Variants in ASTN2 observed in about 807,000 individuals in gnomAD.
The protein encoded by ASTN2 is astrotactin-2.
ASTN2 carries 54 observed loss-of-function variants against 139.8 expected under a neutral mutation model. The ratio of observed to expected loss-of-function variants is 0.39; its 90% confidence interval spans 0.31 to 0.48. ASTN2 has a LOEUF of 0.48. ASTN2 is among the 20% of genes least tolerant of loss of function. The probability of loss-of-function intolerance (pLI) is 0.95; values close to 1 mark genes in which losing one functional copy is unlikely to be tolerated. For missense variants in ASTN2, 1,565 were observed against 1,725.1 expected (o/e 0.91, Z 1.64); for synonymous variants, 756 against 719.5 (o/e 1.05, Z -0.81).
chr9:117,025,891 A>G (rs1378850533), intron 6 of ASTN2, among the ~76,000 whole-genome samples: 3 of 150,896 alleles, frequency 2.0e-5, no homozygotes, highest in Non-Finnish European at 4.4e-5. Context: ...TCCCAGGTTC[A>G]AGTGATTCTC....
chr9:116,950,623 A>G (rs943926900), intron 10 of ASTN2, among the ~76,000 whole-genome samples: 3 of 152,202 alleles, frequency 2.0e-5, no homozygotes, highest in African/African-American at 7.2e-5. Context: ...GGGAAGTTAC[A>G]GTTTTCCTTT....
intron 3 of ASTN2, among the ~76,000 whole-genome samples, chr9:117,175,970 C>A (rs1830906213): frequency 6.6e-6 from 1 of 151,310 alleles, no homozygotes. Flanking sequence ...TGACAAAGGC[C>A]TACTTATGTT....
intron 5 of ASTN2, among the ~76,000 whole-genome samples, chr9:117,089,556 G>T (rs2132740942): frequency 6.6e-6 from 1 of 151,500 alleles, no homozygotes; most frequent in South Asian, 2.1e-4. Context: ...TAGGTTATTG[G>T]GGTACAGGTG....
chr9:117,272,276 G>A (rs1245501011), intron 2 of ASTN2, among the ~76,000 whole-genome samples: 1 of 152,166 alleles, frequency 6.6e-6, no homozygotes, highest in Non-Finnish European at 1.5e-5. Flanking sequence ...TTTCAGCCAC[G>A]CTGGAGAGGC....
intron 10 of ASTN2, among the ~76,000 whole-genome samples, chr9:116,940,628 C>A (rs374437682): frequency 7.9e-5 from 12 of 152,150 alleles, no homozygotes; most frequent in African/African-American, 2.9e-4. Flanking sequence ...CTAAGTGTTA[C>A]TACAAGTCAA....
chr9:117,105,073 C>A (rs765089906), intron 4 of ASTN2, among the ~76,000 whole-genome samples: 2 of 152,064 alleles, frequency 1.3e-5, no homozygotes, highest in Non-Finnish European at 2.9e-5. Flanking sequence ...CAAATGGGGC[C>A]ATAACAAAAT....
intron 6 of ASTN2, among the ~76,000 whole-genome samples, chr9:117,030,460 C>G (rs1159468474): frequency 1.3e-5 from 2 of 152,188 alleles, no homozygotes; most frequent in African/African-American, 4.8e-5. Context: ...TTTTGGACGT[C>G]AAACTCAGTT....
At chr9:116,728,752 G>T (rs556132190) in intron 15 of ASTN2, among the ~76,000 whole-genome samples, 2 of 151,988 alleles carry the variant, frequency 1.3e-5, no homozygotes, top group African/African-American at 4.8e-5. Flanking sequence ...AGCCTCTCTA[G>T]CTCCCCCAGA....
chr9:116,730,662 T>C (rs577817825), intron 14 of ASTN2, among the ~76,000 whole-genome samples: 2 of 152,336 alleles, frequency 1.3e-5, no homozygotes, highest in Admixed American at 1.3e-4. Flanking sequence ...TTACTGCTCA[T>C]TCATGTTCAA....
At chr9:117,323,392 T>A (rs1828401721) in intron 1 of ASTN2, among the ~76,000 whole-genome samples, 1 of 151,452 alleles carries the variant, frequency 6.6e-6, no homozygotes, top group Non-Finnish European at 1.5e-5. Context: ...CCTAACTGCA[T>A]TTACCCAACG....
chr9:116,562,591 A>C (rs1470621958), intron 19 of ASTN2, among the ~76,000 whole-genome samples: 3 of 151,664 alleles, frequency 2.0e-5, no homozygotes, highest in Non-Finnish European at 2.9e-5. Context: ...AAAAATACAA[A>C]AATTAGCAGG....
chr9:117,390,201 G>A (rs1178543265), intron 1 of ASTN2, among the ~76,000 whole-genome samples: 1 of 152,152 alleles, frequency 6.6e-6, no homozygotes, highest in Admixed American at 6.5e-5. Flanking sequence ...GACTTTATTA[G>A]TTTTAGGTTT....
intron 3 of ASTN2, among the ~76,000 whole-genome samples, chr9:117,196,663 T>C (rs1480926466): frequency 6.6e-6 from 1 of 152,190 alleles, no homozygotes; most frequent in African/African-American, 2.4e-5. Context: ...AAAGCTTGCA[T>C]ACTGCACACT....
intron 2 of ASTN2, among the ~76,000 whole-genome samples, chr9:117,249,374 C>T (rs1279271494): frequency 6.6e-6 from 1 of 152,162 alleles, no homozygotes; most frequent in Admixed American, 6.6e-5. Flanking sequence ...TTTCCTTCCT[C>T]AATTGAGTAC....
intron 17 of ASTN2, among the ~76,000 whole-genome samples, chr9:116,620,978 G>A (rs1041377171): frequency 2.0e-5 from 3 of 152,072 alleles, no homozygotes; most frequent in Non-Finnish European, 4.4e-5. Context: ...TAGTCTTCAG[G>A]ATAAAATCTA....
intron 12 of ASTN2, among the ~76,000 whole-genome samples, chr9:116,817,307 G>GA (rs1831359242): frequency 9.1e-6 from 1 of 109,846 alleles, no homozygotes; most frequent in African/African-American, 3.7e-5. Context: ...AAAAAAAAAA[G>GA]AAGAAAGAAA....
At chr9:116,606,400 T>C (rs776469876) in intron 19 of ASTN2, among the ~76,000 whole-genome samples, 1 of 152,060 alleles carries the variant, frequency 6.6e-6, no homozygotes, top group Non-Finnish European at 1.5e-5. Flanking sequence ...ATAAAGTGTG[T>C]GTGTATGTGT....
chr9:116,880,732 T>C (rs558670882), intron 10 of ASTN2, among the ~76,000 whole-genome samples: 32 of 152,258 alleles, frequency 2.1e-4, no homozygotes, highest in African/African-American at 7.7e-4. Flanking sequence ...AAGAAGTTTA[T>C]TGCAGCCATC....
chr9:117,189,102 A>G lies in ASTN2; in HGVS notation c.1015+25256T>C, dbSNP rs1261473000. Among the ~76,000 whole-genome samples the G allele has an allele frequency of 2.0e-5, 3 of 152,138 alleles. No individual in the cohort carries two copies. In the East Asian group the frequency reaches 5.8e-4, roughly 29 times the overall value. On this transcript the variant is annotated intron_variant, in intron 3 of 22. Coordinates refer to ENST00000313400, the MANE Select transcript of ASTN2 (RefSeq NM_001365068.1). ...GATAGGAGACTCCTACATCCTGAAC[A>G]ATGTCTTATAAAAGGACACAAAAAA...
Sources: gnomAD v4.1 joint callset for allele counts (sites outside exome capture counted in the v4.1 genomes callset) on GRCh38, gnomAD v4.1.1 for gene constraint, MANE v1.5 for transcripts, NCBI Gene and HGNC (gene_info 2026-07-23, HGNC 2026-07-21) for gene names.